DPF3: variants seen among roughly 807,000 people sequenced by gnomAD.
DPF3 encodes the protein double PHD fingers 3, also known as zinc finger protein DPF3.
DPF3 carries 18 observed loss-of-function variants against 56.8 expected under a neutral mutation model. The ratio of observed to expected loss-of-function variants is 0.32; its 90% CI spans 0.22 to 0.47. The LOEUF is 0.47. Among genes scored for constraint, DPF3 ranks in the 20% least tolerant of loss-of-function variants. The pLI is 1.00. For missense variants in DPF3, 403 were observed against 488.8 expected (o/e 0.82, Z 1.65); for synonymous variants, 188 against 180.2 (o/e 1.04, Z -0.35).
At position 72,619,278 on chromosome 14, in the gene DPF3, CAT is replaced by C; in HGVS notation, c.*17_*18del. ...CTTTAGGATCTCCAGCAGCGAGTCA[CAT>C]TCTGTGACCTGGGGCCCTAGGCCTG... On this transcript the variant is annotated 3_prime_UTR_variant, in exon 11 of 11. Transcript: ENST00000556509. 2.0e-6 allele frequency: 3 copies of C among 1,535,844 alleles called. No individual in the cohort carries two copies. The South Asian group carries it at 3.6e-5, about 18-fold the overall frequency.
chr14:72,869,419 C>T (rs1171317001), intron 1 of DPF3, among the ~76,000 whole-genome samples: 1 of 152,140 alleles, frequency 6.6e-6, no homozygotes, highest in Admixed American at 6.5e-5. Flanking sequence ...AACATAAATG[C>T]CCAGTGCACT....
At chr14:72,783,452 C>T (rs1320956395) in intron 1 of DPF3, among the ~76,000 whole-genome samples, 1 of 152,170 alleles carries the variant, frequency 6.6e-6, no homozygotes, top group African/African-American at 2.4e-5. Flanking sequence ...GAATCCTGGC[C>T]TTGTAGAAGG....
intron 3 of DPF3, among the ~76,000 whole-genome samples, chr14:72,743,479 A>G (rs1378394100): frequency 1.3e-5 from 2 of 152,068 alleles, no homozygotes; most frequent in Middle Eastern, 3.4e-3. Context: ...TCTGTCCTAG[A>G]CCATGGGGAC....
intron 8 of DPF3, among the ~76,000 whole-genome samples, chr14:72,639,390 T>G (rs1163154583): frequency 6.6e-6 from 1 of 152,140 alleles, no homozygotes; most frequent in Non-Finnish European, 1.5e-5. Flanking sequence ...CCCCCTTGAG[T>G]GTGGGCTGCA....
At chr14:72,718,226 G>T (rs937511325) in intron 5 of DPF3, among the ~76,000 whole-genome samples, 5 of 152,174 alleles carry the variant, frequency 3.3e-5, no homozygotes, top group African/African-American at 1.2e-4. Context: ...ATCTTCAAAG[G>T]TTGCTCAAAT....
At chr14:72,623,396 A>T (rs1024621355) in intron 9 of DPF3, among the ~76,000 whole-genome samples, 3 of 152,242 alleles carry the variant, frequency 2.0e-5, no homozygotes, top group Admixed American at 2.0e-4. Context: ...GAGAGAAACT[A>T]TTCCATCTGA....
chr14:72,691,489 G>A (rs1051015205), intron 7 of DPF3, among the ~76,000 whole-genome samples: 2 of 152,194 alleles, frequency 1.3e-5, no homozygotes, highest in African/African-American at 4.8e-5. Flanking sequence ...AGCCCTTTGG[G>A]AAGCCAAGGC....
At chr14:72,702,764 A>C (rs976421591) in intron 6 of DPF3, among the ~76,000 whole-genome samples, 1 of 152,142 alleles carries the variant, frequency 6.6e-6, no homozygotes, top group Non-Finnish European at 1.5e-5. Context: ...TACTTCCAAA[A>C]GCCACCTGCT....
intron 6 of DPF3, among the ~76,000 whole-genome samples, 194 bp downstream of exon 6, chr14:72,714,229 C>T (rs1298971163): frequency 6.6e-6 from 1 of 152,304 alleles, no homozygotes; most frequent in African/African-American, 2.4e-5. Context: ...TCTGCAGAAA[C>T]CCCCTGGGGC....
At chr14:72,679,211 A>T (rs1887048025) in intron 7 of DPF3, 1 of 152,184 alleles carries the variant, frequency 6.6e-6, no homozygotes, top group South Asian at 2.1e-4. Flanking sequence ...CCTGCCACTC[A>T]CAGAAAGAAT....
chr14:72,856,535 T>C (rs1482092609), intron 1 of DPF3, among the ~76,000 whole-genome samples: 1 of 152,112 alleles, frequency 6.6e-6, no homozygotes, highest in Non-Finnish European at 1.5e-5. Context: ...GGAAACTGCA[T>C]TCCAAGAATG....
intron 1 of DPF3, among the ~76,000 whole-genome samples, chr14:72,849,717 T>TCCA (rs1884898571): frequency 2.0e-5 from 3 of 152,174 alleles, no homozygotes; most frequent in Admixed American, 6.5e-5. Flanking sequence ...GTGGCCTTTA[T>TCCA]CCCAGAGGTT....
chr14:72,814,187 C>T (rs552076342), intron 1 of DPF3, among the ~76,000 whole-genome samples: 1 of 152,250 alleles, frequency 6.6e-6, no homozygotes, highest in South Asian at 2.1e-4. Context: ...GGCAATGGTG[C>T]AGCCCTCCTA....
At chr14:72,846,127 A>ATTTTATTTTAT in intron 1 of DPF3, among the ~76,000 whole-genome samples, 1 of 143,212 alleles carries the variant, frequency 7.0e-6, no homozygotes, top group Non-Finnish European at 1.5e-5. Context: ...ATTTTATTTT[A>ATTTTATTTTAT]TTTGAGACAG....
intron 1 of DPF3, among the ~76,000 whole-genome samples, chr14:72,872,665 C>G (rs1172495653): frequency 1.3e-5 from 2 of 152,220 alleles, no homozygotes. Context: ...TACCTGACTT[C>G]AAACTATACT....
intron 1 of DPF3, among the ~76,000 whole-genome samples, chr14:72,884,988 G>A (rs1299371354): frequency 3.6e-5 from 2 of 55,158 alleles, no homozygotes; most frequent in Non-Finnish European, 5.1e-5. Context: ...GGCGTAAGGC[G>A]GGCGCCTGCA....
In DPF3 at chr14:72,767,537, A is replaced by G. The variant is rs142868432; in HGVS notation, c.193+4196T>C. ...GGCTTAACAGCAGAAGGCAGAGGAC[A>G]GAATAAAGAAGCAATGAACTTGAAG... On this transcript the variant is annotated intron_variant, in intron 2 of 10. Coordinates refer to ENST00000556509, the MANE Select transcript of DPF3 (RefSeq NM_001280542.3). Among the ~76,000 whole-genome samples the G allele has an allele frequency of 5.3e-3, 802 of 152,274 alleles. 9 individuals carry two copies. The highest frequency in any genetic ancestry group is 0.018 in the African/African-American group (744 of 41,578).
chr14:72,648,626 C>T (rs1885800272), intron 8 of DPF3, among the ~76,000 whole-genome samples: 1 of 151,792 alleles, frequency 6.6e-6, no homozygotes, highest in Non-Finnish European at 1.5e-5. Context: ...CACACCCACC[C>T]AGCTCCCCGC....
intron 5 of DPF3, among the ~76,000 whole-genome samples, chr14:72,714,796 C>T (rs1260881356): frequency 6.6e-6 from 1 of 151,876 alleles, no homozygotes; most frequent in Non-Finnish European, 1.5e-5. Context: ...AAGTAGCTTG[C>T]CCAAGGTCGT....
Sources: gnomAD v4.1 joint callset for allele counts (sites outside exome capture counted in the v4.1 genomes callset) on GRCh38, gnomAD v4.1.1 for gene constraint, MANE v1.5 for transcripts, NCBI Gene and HGNC (gene_info 2026-07-23, HGNC 2026-07-21) for gene names.